The following RNF213 variants were observed in gnomAD, a reference collection of about 807,000 sequenced individuals.
RNF213 encodes the protein E3 ubiquitin-protein ligase RNF213.
RNF213 carries 341 observed loss-of-function variants against 514.4 expected under a neutral mutation model. The ratio of observed to expected loss-of-function variants is 0.66; its 90% confidence interval spans 0.61 to 0.73. The LOEUF (loss-of-function observed/expected upper bound fraction) is 0.73, where lower values mean the gene tolerates loss of function less well. RNF213 is among the 30% of genes least tolerant of loss of function. The probability of loss-of-function intolerance (pLI) is 0.00; values close to 1 mark genes in which losing one functional copy is unlikely to be tolerated. For synonymous variants in RNF213, 2,655 were observed against 2,658.2 expected, an observed-to-expected ratio of 1.00 and a Z score of 0.04; for missense variants, 5,767 against 6,615.6, an observed-to-expected ratio of 0.87 and a Z score of 4.45.
In RNF213 at chr17:80,363,315, G is replaced by T; in HGVS notation, c.11568+1G>T. On this transcript the variant is annotated splice_donor_variant, in intron 40 of 67. Coordinates refer to ENST00000582970, the MANE Select transcript of RNF213 (RefSeq NM_001256071.3). LOFTEE classifies it high-confidence loss of function. The stretch of plus-strand genomic sequence containing the variant: ...CCATGAGCTGGCTGGATGTGAGATG[G>T]TATGGCCCTCCTCCGCCTGCCCTGA... The T allele has an allele frequency of 6.2e-7, 1 of 1,613,450 alleles. No homozygotes were observed.
intron 1 of RNF213, among the ~76,000 whole-genome samples, chr17:80,261,234 C>T (rs1567982100): frequency 6.6e-6 from 1 of 152,052 alleles, no homozygotes; most frequent in Non-Finnish European, 1.5e-5. Flanking sequence ...GGCCGGGGCA[C>T]GGGGGGTGTA....
rs543397962 is a variant in RNF213, at chr17:80,319,544, C to T, written c.3024+232C>T. ...TGCTCGCACCATCCTGCATGTGTTC[C>T]ATATGGAATCACGGCCGTGCGCGTG... On this transcript the variant is annotated intron_variant, in intron 17 of 67. Coordinates refer to ENST00000582970, the MANE Select transcript of RNF213 (RefSeq NM_001256071.3). 1.1e-4 allele frequency: 174 copies of T among 1,611,270 alleles called. No individual in the cohort carries two copies. The African/African-American group carries it at 2.1e-3, about 19-fold the overall frequency.
intron 60 of RNF213, 140 bp downstream of exon 60, chr17:80,385,311 A>G: frequency 8.8e-7 from 1 of 1,136,486 alleles, no homozygotes; most frequent in Non-Finnish European, 1.3e-6. Context: ...CATGCGGTGA[A>G]GGGTGCTTGA....
rs192457524 is a variant in RNF213, at chr17:80,281,762, C to T, written c.262-6053C>T. On this transcript the variant is annotated intron_variant, in intron 3 of 67. Coordinates refer to ENST00000582970, the MANE Select transcript of RNF213 (RefSeq NM_001256071.3). ...CCACAGGGGGTCGGTTCCAGGACCG[C>T]GGAGGACGCCAAAATCCAAGGATGC... Among the ~76,000 whole-genome samples, 356 of 152,258 alleles carry T rather than the reference C, an allele frequency of 2.3e-3. 1 individual carries two copies. Among genetic ancestry groups the T allele is most frequent in the African/African-American group, 8.1e-3 (337 of 41,552 alleles).
At chr17:80,291,007 A>G (rs1328104931) in intron 7 of RNF213, among the ~76,000 whole-genome samples, 1 of 151,962 alleles carries the variant, frequency 6.6e-6, no homozygotes, top group Non-Finnish European at 1.5e-5. Context: ...CGGAGTTTCT[A>G]CTAAATGCTG....
chr17:80,381,010 A>C (rs1027980209), intron 56 of RNF213, 23 bp downstream of exon 56: 3 of 1,613,816 alleles, frequency 1.9e-6, no homozygotes, highest in African/African-American at 2.7e-5. Flanking sequence ...GCTGCCAAAC[A>C]ATGGGCTCAG....
At chr17:80,351,614 T>G in intron 31 of RNF213, 71 bp from the exon 32 acceptor site, 4 of 847,638 alleles carry the variant, frequency 4.7e-6, no homozygotes, top group Non-Finnish European at 5.9e-6. Flanking sequence ...CAGCTTTGCT[T>G]TGTTTATTTG....
intron 65 of RNF213, 38 bp downstream of exon 65, chr17:80,389,405 T>C (rs1568174354): frequency 1.3e-6 from 2 of 1,578,874 alleles, no homozygotes; most frequent in South Asian, 1.1e-5. Flanking sequence ...GCACAGCCCC[T>C]CACCCTGGTC....
In RNF213 at chr17:80,375,206, C is replaced by T. The variant is rs575456279; in HGVS notation, c.13075-554C>T. ...GTTGCTTCTGTCATTAAGCTGGCTG[C>T]TAAATATGCGTTGAGTTTAATCTGA... On this transcript the variant is annotated intron_variant, in intron 50 of 67. Transcript: ENST00000582970. The T allele has an allele frequency of 7.3e-5, 13 of 177,940 alleles. No homozygotes were observed. In the South Asian group the frequency reaches 1.5e-3, roughly 21 times the overall value. The allele number at this position is 177,940 out of a possible 1,614,324, so 11.0% of individuals were successfully genotyped here.
In RNF213 at chr17:80,273,399, C is replaced by G. The variant is rs1314939100; in HGVS notation, c.256C>G (p.Gln86Glu). The change falls in exon 3 of 68, where the codon CAA becomes GAA. Residue 86 changes from glutamine (Q) to glutamate (E), a missense_variant. Coordinates refer to ENST00000582970, the MANE Select transcript of RNF213 (RefSeq NM_001256071.3). ...CTGTTCCAAAGCCTCCTGGACCGTCCAAGAAGTGAGTGCACTGCCTCGGCT... is the reference window on the plus strand; with the variant it reads ...CTGTTCCAAAGCCTCCTGGACCGTCGAAGAAGTGAGTGCACTGCCTCGGCT... ...EPCSKASWTV[Q>E]ESKKKKRKKK... 3 of 1,612,498 alleles carry G rather than the reference C, an allele frequency of 1.9e-6. No individual in the cohort carries two copies. The highest frequency in any genetic ancestry group is 1.7e-5 in the Admixed American group (1 of 59,984).
chr17:80,390,417 G>C (rs2080419178), intron 67 of RNF213, among the ~76,000 whole-genome samples: 1 of 152,108 alleles, frequency 6.6e-6, no homozygotes. Context: ...GTCTTGCCCT[G>C]TTACCCAGGC....
rs1269052468 is a variant in RNF213 at position 80,386,859 on chromosome 17, T to C, written c.14890T>C (p.Phe4964Leu). The part of the protein sequence containing the change: ...EKIQRQIVSR[F>L]LQGKPRLSLK... ...GATTCAGCGGCAGATCGTCAGCCGC[T>C]TCCTCCAGGGCAAGCCCCGGCTGAG... Residue 4964 changes from phenylalanine (F) to leucine (L), a missense_variant, in exon 63 of 68, where the codon TTC becomes CTC. Phe to Leu is a conservative substitution (Grantham distance 22). Coordinates refer to ENST00000582970, the MANE Select transcript of RNF213 (RefSeq NM_001256071.3). 1 of 1,613,814 alleles carries C rather than the reference T, an allele frequency of 6.2e-7. No individual in the cohort carries two copies. Among genetic ancestry groups the C allele is most frequent in the East Asian group, 2.2e-5 (1 of 44,868 alleles).
At chr17:80,318,405 C>T (rs1350512429) in intron 16 of RNF213, among the ~76,000 whole-genome samples, 1 of 152,100 alleles carries the variant, frequency 6.6e-6, no homozygotes, top group Non-Finnish European at 1.5e-5. Context: ...AATGGGGCCC[C>T]AGGCACAGGA....
In RNF213 at chr17:80,263,034, A is replaced by G. The variant is rs1252483151; in HGVS notation, c.-108-540A>G. ...GGCCAAGCGCCCAAACGCCATCTCC[A>G]CTCTCACCCTGGATGCAAGAAGTGA... On this transcript the variant is annotated intron_variant, in intron 1 of 67. Coordinates refer to ENST00000582970, the MANE Select transcript of RNF213 (RefSeq NM_001256071.3). This position sits in a 1 kb window ranked among gnomAD's most constrained non-coding sequence, Gnocchi z 4.9. 1.3e-5 allele frequency among the ~76,000 whole-genome samples: 2 copies of G among 151,560 alleles called. No homozygotes were observed. The highest frequency in any genetic ancestry group is 1.5e-5 in the Non-Finnish European group (1 of 67,852).
chr17:80,369,398 C>CAA (rs11424638), intron 44 of RNF213, 104 bp from the exon 45 acceptor site: 66,011 of 906,938 alleles, frequency 0.073, 31 homozygotes, highest in Non-Finnish European at 0.083. Context: ...AACTCCGTCT[C>CAA]AAAAAAAAAA....
rs755719620 is a variant in RNF213 at position 80,376,279 on chromosome 17, T to TGTTAA, written c.13186-18_13186-14dup. 27 of 1,613,688 alleles carry TGTTAA rather than the reference T, an allele frequency of 1.7e-5. No individual in the cohort carries two copies. The East Asian group carries it at 5.4e-4, about 32-fold the overall frequency. ...CACAATATTCTTTGATACATCTTAA[T>TGTTAA]GTTAAGTTTTTTTCCTGTCAGCAAT... On this transcript the variant is annotated intron_variant, in intron 51 of 67. Coordinates refer to ENST00000582970, the MANE Select transcript of RNF213 (RefSeq NM_001256071.3).
intron 20 of RNF213, 54 bp downstream of exon 20, chr17:80,328,531 A>G: frequency 6.6e-7 from 1 of 1,519,294 alleles, no homozygotes; most frequent in Non-Finnish European, 8.8e-7. Context: ...GTTAGAGGAG[A>G]ACACAGTAAG....
chr17:80,362,563 G>A (rs534428444), intron 39 of RNF213, among the ~76,000 whole-genome samples: 25 of 152,192 alleles, frequency 1.6e-4, no homozygotes, highest in Non-Finnish European at 2.5e-4. Context: ...AACAGCCGCC[G>A]GCCAGTGCTG....
At chr17:80,283,713 G>A (rs1469579523) in intron 3 of RNF213, among the ~76,000 whole-genome samples, 1 of 152,154 alleles carries the variant, frequency 6.6e-6, no homozygotes, top group Admixed American at 6.5e-5. Context: ...TTCCATGCTG[G>A]TGGGAGGTGG....
Sources: allele counts gnomAD v4.1 joint callset (sites outside exome capture counted in the v4.1 genomes callset), GRCh38; gene constraint gnomAD v4.1.1; non-coding constraint Gnocchi (gnomAD v3.1); transcripts MANE v1.5; gene names NCBI Gene and HGNC (gene_info 2026-07-23, HGNC 2026-07-21).